RNF216: variants seen among roughly 807,000 people sequenced by gnomAD.
RNF216 encodes E3 ubiquitin-protein ligase RNF216.
In RNF216, 72 loss-of-function variants were observed where a neutral mutation model predicts 110.8. The observed-to-expected ratio is 0.65, with a 90% CI of 0.54 to 0.79. The LOEUF (loss-of-function observed/expected upper bound fraction) is 0.79, where lower values mean the gene tolerates loss of function less well. Among genes scored for constraint, RNF216 ranks in the 30% least tolerant of loss-of-function variants. The probability of loss-of-function intolerance (pLI) is 0.00; values close to 1 mark genes in which losing one functional copy is unlikely to be tolerated. For synonymous variants in RNF216, 495 were observed against 407.5 expected, an observed-to-expected ratio of 1.21 and a Z score of -2.59; for missense variants, 1,342 against 1,141.2, an observed-to-expected ratio of 1.18 and a Z score of -2.54.
intron 1 of RNF216, among the ~76,000 whole-genome samples, chr7:5,765,936 G>A (rs1796183444): frequency 1.5e-5 from 2 of 135,318 alleles, no homozygotes; most frequent in Admixed American, 1.6e-4. Context: ...CTGAGCGACA[G>A]AGTGAGACTC....
intron 7 of RNF216, among the ~76,000 whole-genome samples, chr7:5,727,643 G>A (rs1254414676): frequency 6.6e-6 from 1 of 152,146 alleles, no homozygotes; most frequent in Non-Finnish European, 1.5e-5. Context: ...GAGGCAGGAG[G>A]ATGGCTTGAG....
chr7:5,727,368 C>T (rs192111766), intron 7 of RNF216, among the ~76,000 whole-genome samples: 4 of 152,274 alleles, frequency 2.6e-5, no homozygotes, highest in East Asian at 1.9e-4. Context: ...CTAATCTATG[C>T]TTATTATTGA....
At chr7:5,765,787 C>CA (rs56903968) in intron 1 of RNF216, among the ~76,000 whole-genome samples, 19,027 of 122,752 alleles carry the variant, frequency 0.16, 1,512 homozygotes, top group African/African-American at 0.21. Context: ...TACTAAAATA[C>CA]AAAAAAAAAA....
Position 5,705,751 on chromosome 7 carries a change from TACA to T in RNF216, c.2061+6007_2061+6009del, listed in dbSNP as rs1792237526. ...TGGAGAAACCCCGCCTCTACAAAAATACAACATTAGCCGGGCGTGGTGGCACAT... is the reference window on the plus strand; with the variant it reads ...TGGAGAAACCCCGCCTCTACAAAAATACATTAGCCGGGCGTGGTGGCACAT... On this transcript the variant is annotated intron_variant, in intron 13 of 16. Transcript: ENST00000389902. 2.6e-5 allele frequency among the ~76,000 whole-genome samples: 4 copies of T among 151,914 alleles called. No individual in the cohort carries two copies. The South Asian group carries it at 6.2e-4, about 24-fold the overall frequency.
chr7:5,697,071 G>A (rs1372437591), intron 13 of RNF216, among the ~76,000 whole-genome samples: 1 of 132,030 alleles, frequency 7.6e-6, no homozygotes, highest in African/African-American at 2.5e-5. Flanking sequence ...CCCTCAACAG[G>A]GTCTATTTAT....
intron 7 of RNF216, among the ~76,000 whole-genome samples, chr7:5,726,850 T>A (rs375887797): frequency 9.4e-5 from 14 of 148,764 alleles, no homozygotes. Context: ...AGAGCGTGAC[T>A]CTGTCTTAAA....
chr7:5,664,787 C>T (rs1054692731), intron 13 of RNF216, among the ~76,000 whole-genome samples: 8 of 152,148 alleles, frequency 5.3e-5, no homozygotes, highest in Non-Finnish European at 7.4e-5. Context: ...AAAGGACACA[C>T]AAAATTCTTT....
chr7:5,629,132 T>A (rs1003168440), intron 15 of RNF216, among the ~76,000 whole-genome samples: 1 of 150,786 alleles, frequency 6.6e-6, no homozygotes, highest in Admixed American at 6.6e-5. Flanking sequence ...CAGGTGGAGA[T>A]TGCAATGAGC....
chr7:5,631,891 G>A (rs1423621928), intron 15 of RNF216, among the ~76,000 whole-genome samples: 1 of 152,164 alleles, frequency 6.6e-6, no homozygotes, highest in Non-Finnish European at 1.5e-5. Context: ...CCCCCACGAG[G>A]TCCTGCTGCC....
Position 5,734,469 on chromosome 7 carries a change from G to A in RNF216, c.1122-3652C>T, listed in dbSNP as rs1370885979. Among the ~76,000 whole-genome samples the A allele has an allele frequency of 2.6e-5, 4 of 152,168 alleles. No individual in the cohort carries two copies. The Middle Eastern group carries it at 0.01, about 388-fold the overall frequency. ...TTGGTTTGTGATAAATTATTGAGCT[G>A]TGCATCTTTACTTTGTTCATTTTTC... On this transcript the variant is annotated intron_variant, in intron 5 of 16. Transcript: ENST00000389902.
chr7:5,765,819 G>A (rs1414067637), intron 1 of RNF216, among the ~76,000 whole-genome samples: 1 of 150,636 alleles, frequency 6.6e-6, no homozygotes, highest in Non-Finnish European at 1.5e-5. Flanking sequence ...AGCCAGGCGT[G>A]GCAGTATGTG....
intron 3 of RNF216, among the ~76,000 whole-genome samples, chr7:5,749,023 C>T (rs939201290): frequency 1.2e-4 from 18 of 152,084 alleles, no homozygotes; most frequent in Admixed American, 9.8e-4. Context: ...AAAGGAAGCA[C>T]TTCAATCTTT....
chr7:5,776,419 T>C (rs892338254), intron 1 of RNF216, among the ~76,000 whole-genome samples: 11 of 138,644 alleles, frequency 7.9e-5, no homozygotes, highest in Non-Finnish European at 1.5e-4. Flanking sequence ...CCGTCTCTAC[T>C]TAAAAAAAAA....
At chr7:5,675,835 G>A in intron 13 of RNF216, among the ~76,000 whole-genome samples, 1 of 150,806 alleles carries the variant, frequency 6.6e-6, no homozygotes, top group Non-Finnish European at 1.5e-5. Flanking sequence ...TCAGCCTCCT[G>A]AGTAGCTGGG....
intron 7 of RNF216, among the ~76,000 whole-genome samples, chr7:5,728,768 G>T (rs1793914238): frequency 6.6e-6 from 1 of 152,196 alleles, no homozygotes; most frequent in Non-Finnish European, 1.5e-5. Flanking sequence ...AGAATCACAA[G>T]AATTTCAGTA....
rs776514174 is a variant in RNF216, at chr7:5,712,697, C to T, written c.1982+18G>A. Reference sequence around the variant, plus strand: ...TGGGGAAGAGTTGGCAGATGGCACGCTCTGCCTGAGAACGAACCTGACAAG... The same window carrying T: ...TGGGGAAGAGTTGGCAGATGGCACGTTCTGCCTGAGAACGAACCTGACAAG... On this transcript the variant is annotated intron_variant, in intron 12 of 16. Coordinates refer to ENST00000389902, the MANE Select transcript of RNF216 (RefSeq NM_207111.4). 2.5e-6 allele frequency: 4 copies of T among 1,613,702 alleles called. No individual in the cohort carries two copies. The highest frequency in any genetic ancestry group is 1.1e-5 in the South Asian group (1 of 91,050).
chr7:5,740,913 A>G (rs1794716321), intron 4 of RNF216, 60 bp downstream of exon 4: 4 of 1,491,076 alleles, frequency 2.7e-6, no homozygotes, highest in East Asian at 2.3e-5. Context: ...AATGAAAAAA[A>G]AAAAAGAAAA....
chr7:5,721,132 A>C lies in RNF216; in HGVS notation c.1545T>G (p.Asn515Lys). Residue 515 changes from asparagine to lysine, a missense_variant, in exon 9 of 17, where the codon AAT becomes AAG. Asn to Lys is a moderately conservative substitution (Grantham distance 94). Coordinates refer to ENST00000389902, the MANE Select transcript of RNF216 (RefSeq NM_207111.4). The part of the protein sequence containing the change: ...KIEKRMFFLE[N>K]KRRHCRSYDR... Reference sequence around the variant, plus strand: ...CATAGGACCTACAATGTCGTCGCTTATTTTCAAGAAAGAACATCCTCTTTT... The same window carrying C: ...CATAGGACCTACAATGTCGTCGCTTCTTTTCAAGAAAGAACATCCTCTTTT... 1 of 1,613,918 alleles carries C rather than the reference A, an allele frequency of 6.2e-7. No homozygotes were observed. The highest frequency in any genetic ancestry group is 8.5e-7 in the Non-Finnish European group (1 of 1,179,810).
intron 3 of RNF216, among the ~76,000 whole-genome samples, chr7:5,745,550 A>C (rs1794986705): frequency 6.6e-6 from 1 of 152,208 alleles, no homozygotes; most frequent in Non-Finnish European, 1.5e-5. Flanking sequence ...TTAAGAGTCA[A>C]CTGAAAAATC....
Sources: gnomAD v4.1 joint callset for allele counts (sites outside exome capture counted in the v4.1 genomes callset) on GRCh38, gnomAD v4.1.1 for gene constraint, MANE v1.5 for transcripts, NCBI Gene and HGNC (gene_info 2026-07-23, HGNC 2026-07-21) for gene names.